Variants in SLCO3A1 observed in about 807,000 individuals in gnomAD.
SLCO3A1 encodes the protein solute carrier organic anion transporter family member 3A1.
Under a neutral mutation model 63.1 loss-of-function variants are expected in SLCO3A1, and 27 were observed. The ratio of observed to expected loss-of-function variants is 0.43; its 90% confidence interval spans 0.32 to 0.59. The LOEUF is 0.59. Ranked by LOEUF, SLCO3A1 falls within the 20% of genes least tolerant of loss-of-function variation. SLCO3A1 has a pLI of 0.09. For missense variants in SLCO3A1, 773 were observed against 945.8 expected (o/e 0.82, Z 2.40); for synonymous variants, 473 against 409.9 (o/e 1.15, Z -1.86).
intron 2 of SLCO3A1, among the ~76,000 whole-genome samples, chr15:91,964,653 C>T (rs984824539): frequency 3.9e-5 from 6 of 152,056 alleles, no homozygotes; most frequent in South Asian, 2.1e-4. Context: ...GCCACAGCTC[C>T]GTCCCATCTC....
At chr15:92,028,327 A>T (rs1421518205) in intron 2 of SLCO3A1, among the ~76,000 whole-genome samples, 6 of 152,140 alleles carry the variant, frequency 3.9e-5, no homozygotes, top group Non-Finnish European at 8.8e-5. Context: ...AAGCCACAGC[A>T]CCAAAATCTG....
At chr15:92,158,354 C>A (rs2048397064) in intron 9 of SLCO3A1, among the ~76,000 whole-genome samples, 1 of 152,156 alleles carries the variant, frequency 6.6e-6, no homozygotes, top group African/African-American at 2.4e-5. Context: ...CTTCTCAAAT[C>A]AACAAAGTCT....
intron 4 of SLCO3A1, among the ~76,000 whole-genome samples, chr15:92,107,569 C>T (rs761038281): frequency 3.9e-5 from 6 of 152,216 alleles, no homozygotes; most frequent in East Asian, 1.9e-4. Flanking sequence ...AGCTGAACGG[C>T]GTTGCATGTA....
chr15:92,036,031 G>A (rs762568496), intron 2 of SLCO3A1, among the ~76,000 whole-genome samples: 3 of 146,938 alleles, frequency 2.0e-5, no homozygotes, highest in Admixed American at 6.8e-5. Flanking sequence ...TAACTGGGGC[G>A]TGGCCACTGC....
At chr15:91,959,723 CAAAAAAA>C (rs34759500) in intron 2 of SLCO3A1, among the ~76,000 whole-genome samples, 15 of 72,002 alleles carry the variant, frequency 2.1e-4, no homozygotes, top group African/African-American at 2.7e-4. Context: ...GACTCCATCT[CAAAAAAA>C]AAAAAAAAAA....
intron 2 of SLCO3A1, among the ~76,000 whole-genome samples, chr15:91,922,261 A>G (rs1198159878): frequency 6.6e-6 from 1 of 152,066 alleles, no homozygotes; most frequent in African/African-American, 2.4e-5. Flanking sequence ...TCTGGAGAGA[A>G]TGGGAGCTGG....
chr15:91,912,761 G>C lies in SLCO3A1; in HGVS notation c.181-3232G>C, dbSNP rs949415180. Among the ~76,000 whole-genome samples the C allele has an allele frequency of 2.0e-5, 3 of 152,094 alleles. No homozygotes were observed. The highest frequency in any genetic ancestry group is 2.9e-5 in the Non-Finnish European group (2 of 68,028). On this transcript the variant is annotated intron_variant, in intron 1 of 9. Transcript: ENST00000318445. The surrounding 1 kb of genome is among the most constrained non-coding windows in gnomAD (Gnocchi z 5.0). Reference sequence around the variant, plus strand: ...CCTAAAGCTGAAGACCTACCAGACTGCTTCAGCCACCTCTCCGGGGGTGAC... The same window carrying C: ...CCTAAAGCTGAAGACCTACCAGACTCCTTCAGCCACCTCTCCGGGGGTGAC...
At position 91,948,264 on chromosome 15, in the gene SLCO3A1, T is replaced by A. The variant is rs1899878812; in HGVS notation, c.646+31806T>A. ...GGCGCATGAGAATACAACCAGCTGG[T>A]CCCTCCACAGTGGGCTCAAATGTGA... On this transcript the variant is annotated intron_variant, in intron 2 of 9. Coordinates refer to ENST00000318445, the MANE Select transcript of SLCO3A1 (RefSeq NM_013272.4). This position sits in a 1 kb window ranked among gnomAD's most constrained non-coding sequence, Gnocchi z 4.8. 6.6e-6 allele frequency among the ~76,000 whole-genome samples: 1 copy of A among 152,158 alleles called. No individual in the cohort carries two copies. Among genetic ancestry groups the A allele is most frequent in the South Asian group, 2.1e-4 (1 of 4,816 alleles).
At chr15:92,094,155 A>C (rs1432548213) in intron 2 of SLCO3A1, among the ~76,000 whole-genome samples, 1 of 152,198 alleles carries the variant, frequency 6.6e-6, no homozygotes, top group Non-Finnish European at 1.5e-5. Context: ...TGTGTAAAAT[A>C]CCAGGTATTG....
rs372591817 is a variant in SLCO3A1 at position 91,900,470 on chromosome 15, C to A, written c.181-15523C>A. Among the ~76,000 whole-genome samples, 15 of 152,192 alleles carry A rather than the reference C, an allele frequency of 9.9e-5. No individual in the cohort carries two copies. The highest frequency in any genetic ancestry group is 3.1e-4 in the African/African-American group (13 of 41,446). Reference sequence around the variant, plus strand: ...TCAGCCTCCCCAGTAGCTGGGATTACAGGTGCATGCCACTGTGCCCGGCTA... The same window carrying A: ...TCAGCCTCCCCAGTAGCTGGGATTAAAGGTGCATGCCACTGTGCCCGGCTA... On this transcript the variant is annotated intron_variant, in intron 1 of 9. Coordinates refer to ENST00000318445, the MANE Select transcript of SLCO3A1 (RefSeq NM_013272.4). The surrounding 1 kb of genome is among the most constrained non-coding windows in gnomAD (Gnocchi z 4.3).
At chr15:91,983,550 G>C (rs1204549467) in intron 2 of SLCO3A1, among the ~76,000 whole-genome samples, 4 of 152,104 alleles carry the variant, frequency 2.6e-5, no homozygotes, top group Admixed American at 2.6e-4. Context: ...CCATCAGAAC[G>C]AAGCATGAGG....
chr15:91,953,576 G>C (rs935710128), intron 2 of SLCO3A1, among the ~76,000 whole-genome samples: 1 of 152,178 alleles, frequency 6.6e-6, no homozygotes, highest in Non-Finnish European at 1.5e-5. Flanking sequence ...TGCACTCACA[G>C]AACTACAGGG....
intron 2 of SLCO3A1, among the ~76,000 whole-genome samples, chr15:91,973,864 T>C (rs1382275856): frequency 1.3e-5 from 2 of 152,310 alleles, no homozygotes; most frequent in Non-Finnish European, 1.5e-5. Flanking sequence ...TGGGAGCATG[T>C]TATGGGCTGA....
intron 2 of SLCO3A1, among the ~76,000 whole-genome samples, chr15:91,988,003 C>T (rs1004652377): frequency 6.6e-6 from 1 of 152,154 alleles, no homozygotes; most frequent in African/African-American, 2.4e-5. Flanking sequence ...TTTTGATTTA[C>T]AAACCCATGT....
intron 2 of SLCO3A1, among the ~76,000 whole-genome samples, chr15:91,921,365 T>G (rs1898837790): frequency 6.6e-6 from 1 of 152,180 alleles, no homozygotes. Context: ...CACATGCTGA[T>G]GTACTGGGGG....
chr15:91,993,627 T>A (rs1488256284), intron 2 of SLCO3A1, among the ~76,000 whole-genome samples: 1 of 152,200 alleles, frequency 6.6e-6, no homozygotes, highest in Non-Finnish European at 1.5e-5. Context: ...TTTTTGTTTT[T>A]AATTTAATAG....
Position 91,862,957 on chromosome 15 carries a change from G to T in SLCO3A1, c.180+8869G>T, listed in dbSNP as rs1268621502. Among the ~76,000 whole-genome samples, 1 of 152,254 alleles carries T rather than the reference G, an allele frequency of 6.6e-6. No homozygotes were observed. The highest frequency in any genetic ancestry group is 1.5e-5 in the Non-Finnish European group (1 of 68,048). On this transcript the variant is annotated intron_variant, in intron 1 of 9. Coordinates refer to ENST00000318445, the MANE Select transcript of SLCO3A1 (RefSeq NM_013272.4). This position sits in a 1 kb window ranked among gnomAD's most constrained non-coding sequence, Gnocchi z 4.0. ...TTGTTGAATTTGTCTCCCAACTTCA[G>T]CTGATTAGAAGGAGAAATTACCACC...
At chr15:91,970,906 T>C (rs1245141492) in intron 2 of SLCO3A1, among the ~76,000 whole-genome samples, 1 of 152,126 alleles carries the variant, frequency 6.6e-6, no homozygotes, top group African/African-American at 2.4e-5. Flanking sequence ...TGTGTGTGCA[T>C]GTGTGCAAAT....
chr15:92,050,170 G>T (rs1175956740), intron 2 of SLCO3A1, among the ~76,000 whole-genome samples: 1 of 152,166 alleles, frequency 6.6e-6, no homozygotes, highest in Admixed American at 6.5e-5. Context: ...GACTTTTTCT[G>T]GTGATGCTGC....
Sources: allele counts gnomAD v4.1 joint callset (sites outside exome capture counted in the v4.1 genomes callset), GRCh38; gene constraint gnomAD v4.1.1; non-coding constraint Gnocchi (gnomAD v3.1); transcripts MANE v1.5; gene names NCBI Gene and HGNC (gene_info 2026-07-23, HGNC 2026-07-21).